OSCP1: variants seen among roughly 807,000 people sequenced by gnomAD.
OSCP1 encodes protein OSCP1.
Under a neutral mutation model 45.1 loss-of-function variants are expected in OSCP1, and 35 were observed. That is an observed-to-expected ratio of 0.78 (90% CI 0.59 to 1.03). The LOEUF is 1.03. Ranked by LOEUF, OSCP1 falls within the 50% of genes least tolerant of loss-of-function variation. The pLI, the probability that OSCP1 is intolerant of heterozygous loss-of-function variation, is 0.00. For synonymous variants in OSCP1, 179 were observed against 180.1 expected (o/e 0.99, Z 0.05); for missense variants, 400 against 470.7 (o/e 0.85, Z 1.39).
intron 1 of OSCP1, among the ~76,000 whole-genome samples, chr1:36,445,585 C>A (rs1649469924): frequency 6.6e-6 from 1 of 152,216 alleles, no homozygotes; most frequent in South Asian, 2.1e-4. Flanking sequence ...GGAAAATTCA[C>A]CATCTTCCCC....
At chr1:36,428,986 G>C (rs1262049932) in intron 4 of OSCP1, among the ~76,000 whole-genome samples, 3 of 152,106 alleles carry the variant, frequency 2.0e-5, no homozygotes, top group African/African-American at 7.2e-5. Flanking sequence ...TGTTGCCCAG[G>C]ATGGTCTTGA....
intron 1 of OSCP1, 142 bp from the exon 2 acceptor site, chr1:36,439,052 G>C: frequency 1.2e-6 from 1 of 827,816 alleles, no homozygotes. Context: ...AGCTCCCTGA[G>C]GGGACCACAC....
intron 1 of OSCP1, among the ~76,000 whole-genome samples, chr1:36,442,678 G>A (rs1397816659): frequency 6.6e-6 from 1 of 152,162 alleles, no homozygotes; most frequent in Non-Finnish European, 1.5e-5. Flanking sequence ...TTAGAGAGAG[G>A]CTAGGAAACC....
chr1:36,441,916 G>A (rs1326736970), intron 1 of OSCP1, among the ~76,000 whole-genome samples: 1 of 151,690 alleles, frequency 6.6e-6, no homozygotes, highest in Non-Finnish European at 1.5e-5. Flanking sequence ...TATACTAGGA[G>A]CCGGATTTCA....
chr1:36,443,916 C>A (rs1052142722), intron 1 of OSCP1: 2 of 1,429,226 alleles, frequency 1.4e-6, no homozygotes, highest in Admixed American at 3.5e-5. Flanking sequence ...TGAAATGTTT[C>A]AAGCGGTCCC....
intron 1 of OSCP1, among the ~76,000 whole-genome samples, chr1:36,449,917 G>A (rs944384946): frequency 1.4e-5 from 2 of 144,002 alleles, no homozygotes; most frequent in Non-Finnish European, 3.0e-5. Context: ...CTAGCAAGGG[G>A]TATGATACTA....
Position 36,423,403 on chromosome 1 carries a change from C to T in OSCP1, c.580G>A (p.Gly194Arg), listed in dbSNP as rs756028464. 9 of 1,613,596 alleles carry T rather than the reference C, an allele frequency of 5.6e-6. No homozygotes were observed. Among genetic ancestry groups the T allele is most frequent in the Middle Eastern group, 3.3e-4 (2 of 6,084 alleles). Reference sequence around the variant, plus strand: ...ACTTCAGTTCCCCAAGGAACAGGCCCGGACACCGGCAACACAAAGCGACCG... The same window carrying T: ...ACTTCAGTTCCCCAAGGAACAGGCCTGGACACCGGCAACACAAAGCGACCG... The part of the protein sequence containing the change: ...NNGRFVLPVS[G>R]PVPWGTEVPG... The change falls in exon 5 of 10, where the codon GGG becomes AGG. Residue 194 changes from glycine (G) to arginine (R), a missense_variant. Coordinates refer to ENST00000235532, the MANE Select transcript of OSCP1 (RefSeq NM_145047.5).
rs1253602336 is a variant in OSCP1 at position 36,420,613 on chromosome 1, T to G, written c.822A>C (p.Glu274Asp). The G allele has an allele frequency of 6.2e-7, 1 of 1,612,398 alleles. No homozygotes were observed. Among genetic ancestry groups the G allele is most frequent in the Non-Finnish European group, 8.5e-7 (1 of 1,179,594 alleles). Residue 274 changes from glutamate (E) to aspartate (D), a missense_variant and splice_region_variant, in exon 8 of 10, where the codon GAA becomes GAC. By Grantham distance (45) the Glu-to-Asp change is conservative. Transcript: ENST00000235532. ...TAGCAAGAGGGTTTGGAGCAATGCT[T>G]TCCTGCAGAAACAGTTGCATGATTT... ...SSKNLASWTQ[E>D]SIAPNPLAKE...
At chr1:36,444,925 T>A (rs1209289486) in intron 1 of OSCP1, among the ~76,000 whole-genome samples, 1 of 152,216 alleles carries the variant, frequency 6.6e-6, no homozygotes, top group Non-Finnish European at 1.5e-5. Flanking sequence ...TTCTGTTTCC[T>A]CTACTGAGGG....
intron 1 of OSCP1, among the ~76,000 whole-genome samples, chr1:36,440,248 G>A (rs1649041156): frequency 6.6e-6 from 1 of 152,176 alleles, no homozygotes; most frequent in Non-Finnish European, 1.5e-5. Context: ...GTAAGTAATT[G>A]ACAGAAGTAC....
chr1:36,426,261 G>T (rs1252787772), intron 4 of OSCP1, among the ~76,000 whole-genome samples: 2 of 152,202 alleles, frequency 1.3e-5, no homozygotes, highest in East Asian at 1.9e-4. Context: ...TAGGTCATGT[G>T]TGTGTCTGTG....
intron 2 of OSCP1, among the ~76,000 whole-genome samples, chr1:36,438,481 C>A (rs1648906560): frequency 6.6e-6 from 1 of 152,048 alleles, no homozygotes; most frequent in South Asian, 2.1e-4. Context: ...CAGAGTGAGA[C>A]CCCATTTCAA....
At chr1:36,431,116 A>C (rs570188131) in intron 4 of OSCP1, among the ~76,000 whole-genome samples, 1 of 152,348 alleles carries the variant, frequency 6.6e-6, no homozygotes, top group South Asian at 2.1e-4. Context: ...GTTTAGCTAC[A>C]GACAGCAAGT....
intron 4 of OSCP1, among the ~76,000 whole-genome samples, chr1:36,423,669 T>C (rs1647791529): frequency 6.6e-6 from 1 of 151,782 alleles, no homozygotes; most frequent in South Asian, 2.1e-4. Flanking sequence ...GGTCAGGAGA[T>C]AGAGACTATC....
intron 2 of OSCP1, among the ~76,000 whole-genome samples, chr1:36,434,107 G>A (rs550687596): frequency 1.6e-4 from 24 of 152,254 alleles, no homozygotes; most frequent in African/African-American, 4.6e-4. Flanking sequence ...AGGAAAAGAC[G>A]TCTGAGGGAT....
chr1:36,432,288 T>A (rs771892279), intron 3 of OSCP1, 134 bp downstream of exon 3: 4 of 1,101,132 alleles, frequency 3.6e-6, no homozygotes, highest in Non-Finnish European at 5.2e-6. Flanking sequence ...GGATTGCTTT[T>A]CAGAATGTTC....
chr1:36,426,717 ATTT>A (rs1296077993), intron 4 of OSCP1, among the ~76,000 whole-genome samples: 1 of 151,634 alleles, frequency 6.6e-6, no homozygotes, highest in Admixed American at 6.6e-5. Flanking sequence ...TTTTATTTTA[ATTT>A]TTTAAGGCAG....
intron 4 of OSCP1, among the ~76,000 whole-genome samples, chr1:36,429,254 G>A (rs566841023): frequency 8.5e-5 from 13 of 152,070 alleles, no homozygotes; most frequent in Non-Finnish European, 1.6e-4. Flanking sequence ...AGGCGTGGTG[G>A]CATGCTCCTG....
intron 1 of OSCP1, chr1:36,444,040 G>A: frequency 6.2e-7 from 1 of 1,612,924 alleles, no homozygotes; most frequent in Non-Finnish European, 8.5e-7. Flanking sequence ...TCATCTACAT[G>A]AAGCATACAA....
Sources: gnomAD v4.1 joint callset for allele counts (sites outside exome capture counted in the v4.1 genomes callset) on GRCh38, gnomAD v4.1.1 for gene constraint, MANE v1.5 for transcripts, NCBI Gene and HGNC (gene_info 2026-07-23, HGNC 2026-07-21) for gene names.